The following ASCC3 variants were observed in gnomAD, a reference collection of about 807,000 sequenced individuals.
ASCC3 encodes activating signal cointegrator 1 complex subunit 3.
In ASCC3, 158 loss-of-function variants were observed where a neutral mutation model predicts 256.3. That is an observed-to-expected ratio of 0.62 (90% CI 0.54 to 0.70). The LOEUF is 0.70. Among genes scored for constraint, ASCC3 ranks in the 30% least tolerant of loss-of-function variants. The pLI is 0.00. For missense variants in ASCC3, 2,259 were observed against 2,626.0 expected (o/e 0.86, Z 3.05); for synonymous variants, 948 against 883.4 (o/e 1.07, Z -1.30).
chr6:100,737,422 A>G (rs147416977), intron 10 of ASCC3, among the ~76,000 whole-genome samples: 2,079 of 151,840 alleles, frequency 0.014, 20 homozygotes, highest in East Asian at 0.045. Context: ...TTGTTCCCCT[A>G]CCTGTGTCTA....
Position 100,508,760 on chromosome 6 carries a change from C to T in ASCC3, c.*626G>A, listed in dbSNP as rs1252752841. ...TGAAGTGCCACTCTATATTTTATTTCCCAGTTAACCATGTCTACATTTTCT... is the reference window on the plus strand; with the variant it reads ...TGAAGTGCCACTCTATATTTTATTTTCCAGTTAACCATGTCTACATTTTCT... On this transcript the variant is annotated 3_prime_UTR_variant, in exon 42 of 42. Coordinates refer to ENST00000369162, the MANE Select transcript of ASCC3 (RefSeq NM_006828.4). 6.6e-6 allele frequency: 1 copy of T among 152,246 alleles called. No homozygotes were observed. The highest frequency in any genetic ancestry group is 1.9e-4 in the East Asian group (1 of 5,198). 9.4% of individuals were successfully genotyped at this position (152,246 alleles called of 1,614,324 possible).
chr6:100,740,616 C>A (rs1026940327), intron 10 of ASCC3, among the ~76,000 whole-genome samples: 2 of 152,166 alleles, frequency 1.3e-5, no homozygotes, highest in African/African-American at 4.8e-5. Context: ...CTGGGTGCTC[C>A]TGTATTGGAC....
At chr6:100,857,057 G>C (rs561371332) in intron 3 of ASCC3, 7 of 152,080 alleles carry the variant, frequency 4.6e-5, no homozygotes, top group Non-Finnish European at 1.0e-4. Context: ...AGCAGCAGTA[G>C]ACAAAAATTC....
At chr6:100,633,119 G>A (rs1262360227) in intron 25 of ASCC3, among the ~76,000 whole-genome samples, 4 of 152,124 alleles carry the variant, frequency 2.6e-5, no homozygotes, top group South Asian at 2.1e-4. Flanking sequence ...CCAATTACTT[G>A]TAGTCAATTG....
At chr6:100,755,026 A>C (rs1440890523) in intron 10 of ASCC3, among the ~76,000 whole-genome samples, 2 of 151,958 alleles carry the variant, frequency 1.3e-5, no homozygotes, top group Non-Finnish European at 2.9e-5. Flanking sequence ...TAAATTACCC[A>C]GTCTCGGGTA....
At chr6:100,715,676 A>G (rs1185301552) in intron 12 of ASCC3, 143 bp from the exon 13 acceptor site, 6 of 608,680 alleles carry the variant, frequency 9.9e-6, no homozygotes, top group South Asian at 7.6e-5. Context: ...TCATAAACAT[A>G]TAACATATAA....
intron 1 of ASCC3, among the ~76,000 whole-genome samples, chr6:100,868,250 CA>C (rs1185924915): frequency 1.2e-4 from 18 of 152,294 alleles, no homozygotes; most frequent in Non-Finnish European, 1.6e-4. Flanking sequence ...GAAAAAGAAA[CA>C]AACATTTCCT....
intron 36 of ASCC3, among the ~76,000 whole-genome samples, chr6:100,543,133 C>CT: frequency 6.6e-6 from 1 of 152,268 alleles, no homozygotes; most frequent in African/African-American, 2.4e-5. Flanking sequence ...ACTCAAGTCT[C>CT]TTATATAAAA....
chr6:100,636,313 G>T (rs539094694), intron 25 of ASCC3, among the ~76,000 whole-genome samples: 5 of 152,054 alleles, frequency 3.3e-5, no homozygotes, highest in Admixed American at 6.6e-5. Context: ...TGTGGTCGGT[G>T]ATCTTTTATG....
At chr6:100,692,131 A>G (rs1418958356) in intron 13 of ASCC3, among the ~76,000 whole-genome samples, 4 of 152,106 alleles carry the variant, frequency 2.6e-5, no homozygotes, top group Admixed American at 2.6e-4. Context: ...TTGTGGCAAG[A>G]GGAAAGCAAA....
At chr6:100,771,697 A>C (rs1781929940) in intron 8 of ASCC3, among the ~76,000 whole-genome samples, 1 of 152,088 alleles carries the variant, frequency 6.6e-6, no homozygotes, top group African/African-American at 2.4e-5. Context: ...TAAAAATTAA[A>C]ATCACAACTA....
At chr6:100,523,357 A>C (rs886787956) in intron 37 of ASCC3, among the ~76,000 whole-genome samples, 2 of 152,082 alleles carry the variant, frequency 1.3e-5, no homozygotes, top group African/African-American at 4.8e-5. Context: ...TACAGAGCTT[A>C]CTTTCTATTT....
At position 100,661,851 on chromosome 6, in the gene ASCC3, A is replaced by C. The variant is rs1776237735; in HGVS notation, c.2658T>G (p.Ile886Met). 6.2e-7 allele frequency: 1 copy of C among 1,613,134 alleles called. No homozygotes were observed. The highest frequency in any genetic ancestry group is 1.1e-5 in the South Asian group (1 of 91,070). ...CAAGGCTTTCCAGAAACTGACTCTC[A>C]ATTGGGTTTCGTTGAGTGAGCAAAG... ...YLTLLTQRNP[I>M]ESQFLESLAD... Residue 886 changes from isoleucine to methionine, a missense_variant, in exon 16 of 42, where the codon ATT (isoleucine) becomes ATG (methionine). Ile to Met is a conservative substitution (Grantham distance 10). Coordinates refer to ENST00000369162, the MANE Select transcript of ASCC3 (RefSeq NM_006828.4).
At position 100,509,462 on chromosome 6, in the gene ASCC3, T is replaced by C; in HGVS notation, c.6533A>G (p.Asn2178Ser). The change falls in exon 42 of 42, where the codon AAC (asparagine) becomes AGC (serine). Residue 2178 changes from asparagine (N) to serine (S), a missense_variant. Asn to Ser is a conservative substitution (Grantham distance 46). Around this residue, in one of 2 missense-constraint regions of ASCC3, gnomAD observed 1,839 missense variants for 2,206.7 expected, o/e 0.83. Transcript: ENST00000369162. ...GLDQQYDIYL[N>S]VTQASLSAQV... The stretch of plus-strand genomic sequence containing the variant: ...TGCAGAAAGACTCGCTTGTGTAACG[T>C]TGAGATAGATGTCATACTGCTGGTC... 6.2e-7 allele frequency: 1 copy of C among 1,614,192 alleles called. No individual in the cohort carries two copies. Among genetic ancestry groups the C allele is most frequent in the Non-Finnish European group, 8.5e-7 (1 of 1,180,024 alleles).
In ASCC3 at chr6:100,601,839, G is replaced by C; in HGVS notation, c.5274C>G (p.Tyr1758Ter). 6.2e-7 allele frequency: 1 copy of C among 1,612,594 alleles called. No individual in the cohort carries two copies. Among genetic ancestry groups the C allele is most frequent in the Non-Finnish European group, 8.5e-7 (1 of 1,178,924 alleles). ...GATTCATGATAAGACGTCGGAAAAA[G>C]TAAGTCCAGGTGATATAATCCAATG... The part of the protein sequence containing the change: ...QDALDYITWT[Y>*]FFRRLIMNPS... Residue 1758 changes from tyrosine to a stop codon, truncating the protein, a stop_gained, in exon 34 of 42, where the codon TAC becomes TAG. Coordinates refer to ENST00000369162, the MANE Select transcript of ASCC3 (RefSeq NM_006828.4). LOFTEE classifies it high-confidence loss of function.
intron 24 of ASCC3, among the ~76,000 whole-genome samples, 193 bp downstream of exon 24, chr6:100,642,388 C>T (rs547433115): frequency 3.3e-5 from 5 of 151,798 alleles, no homozygotes; most frequent in South Asian, 4.2e-4. Context: ...CTGGAATAAA[C>T]GCAAGGGAGA....
At chr6:100,516,148 G>T in intron 39 of ASCC3, 32 bp downstream of exon 39, 1 of 1,613,096 alleles carries the variant, frequency 6.2e-7, no homozygotes, top group Non-Finnish European at 8.5e-7. Flanking sequence ...CAGAGTAGGG[G>T]AGCCTTCAAA....
At chr6:100,784,955 A>G (rs1782620836) in intron 8 of ASCC3, among the ~76,000 whole-genome samples, 2 of 152,002 alleles carry the variant, frequency 1.3e-5, no homozygotes, top group South Asian at 2.1e-4. Context: ...TTCATTCTGT[A>G]ATATAGAGTC....
Position 100,629,118 on chromosome 6 carries a change from G to T in ASCC3, c.4272C>A (p.Ile1424=), listed in dbSNP as rs757463599. The T allele has an allele frequency of 6.2e-7, 1 of 1,613,710 alleles. No individual in the cohort carries two copies. Among genetic ancestry groups the T allele is most frequent in the Admixed American group, 1.7e-5 (1 of 59,950 alleles). ...CATCCCACTTCTCTGGCGTAGTGAC[G>T]ATAAGGTCAGCCTTGGCAATGGATT... The part of the protein sequence containing the change: ...DMKSIAKADL[I]VTTPEKWDGV... The change falls in exon 27 of 42, where the codon ATC becomes ATA. Residue 1424 remains isoleucine (I), a synonymous_variant. Coordinates refer to ENST00000369162, the MANE Select transcript of ASCC3 (RefSeq NM_006828.4).
Sources: gnomAD v4.1 joint callset for allele counts (sites outside exome capture counted in the v4.1 genomes callset) on GRCh38, gnomAD v4.1.1 for gene constraint, gnomAD v4.1.1 regional missense constraint, MANE v1.5 for transcripts, NCBI Gene and HGNC (gene_info 2026-07-23, HGNC 2026-07-21) for gene names.